TCN2: variants seen among roughly 807,000 people sequenced by gnomAD.
The protein encoded by TCN2 is transcobalamin 2, also known as transcobalamin-2.
In TCN2, 34 loss-of-function variants were observed where a neutral mutation model predicts 48.6. That is an observed-to-expected ratio of 0.70 (90% CI 0.53 to 0.93). The LOEUF (loss-of-function observed/expected upper bound fraction) is 0.93. TCN2 is among the 40% of genes least tolerant of loss of function. The pLI is 0.00. For missense variants in TCN2, 652 were observed against 526.1 expected (o/e 1.24, Z -2.34); for synonymous variants, 283 against 212.5 (o/e 1.33, Z -2.89).
intron 4 of TCN2, 93 bp downstream of exon 4, chr22:30,614,594 C>A: frequency 1.3e-6 from 2 of 1,551,888 alleles, no homozygotes. Flanking sequence ...CCCACACTCA[C>A]CTTTCCTTGG....
chr22:30,617,778 G>T (rs1468462796), intron 7 of TCN2: 4 of 471,062 alleles, frequency 8.5e-6, no homozygotes. Flanking sequence ...ATTCACCGAG[G>T]AGAACAGTTG....
chr22:30,622,687 G>A (rs887618834), intron 7 of TCN2, among the ~76,000 whole-genome samples: 25 of 152,208 alleles, frequency 1.6e-4, no homozygotes, highest in African/African-American at 5.8e-4. Context: ...CCAGAGAGGG[G>A]ACAACTGCTG....
At chr22:30,614,878 C>T (rs1410758717) in intron 4 of TCN2, among the ~76,000 whole-genome samples, 1 of 152,134 alleles carries the variant, frequency 6.6e-6, no homozygotes, top group Non-Finnish European at 1.5e-5. Context: ...CACTGCCCTC[C>T]AGCCTGGGCA....
At chr22:30,616,778 G>C (rs2087618392) in intron 6 of TCN2, among the ~76,000 whole-genome samples, 1 of 152,322 alleles carries the variant, frequency 6.6e-6, no homozygotes, top group South Asian at 2.1e-4. Flanking sequence ...TTCAGCCTGG[G>C]CGACAGTGTG....
chr22:30,626,916 G>T lies in TCN2; in HGVS notation c.*395G>T, dbSNP rs1320523250. 1 of 338,866 alleles carries T rather than the reference G, an allele frequency of 3.0e-6. No individual in the cohort carries two copies. Among genetic ancestry groups the T allele is most frequent in the South Asian group, 2.7e-5 (1 of 36,832 alleles). The allele number at this position is 338,866 out of a possible 1,614,324, so 21.0% of individuals were successfully genotyped here. ...GCAAGAAGGCCTCCTCAGCCCGGGG[G>T]CTATGGCCCTGACCCCAGCTCTCCA... On this transcript the variant is annotated 3_prime_UTR_variant, in exon 9 of 9. Transcript: ENST00000215838.
At chr22:30,613,303 G>C (rs1236208504) in intron 3 of TCN2, among the ~76,000 whole-genome samples, 2 of 152,076 alleles carry the variant, frequency 1.3e-5, no homozygotes, top group Non-Finnish European at 2.9e-5. Flanking sequence ...TTTTGAGTTG[G>C]AGGTTTGCTC....
intron 8 of TCN2, 86 bp downstream of exon 8, chr22:30,623,169 C>A: frequency 7.5e-7 from 1 of 1,338,914 alleles, no homozygotes; most frequent in South Asian, 1.2e-5. Context: ...CCAGCTTTCC[C>A]TAGCACCCTC....
At chr22:30,608,967 C>T (rs1180934337) in intron 1 of TCN2, among the ~76,000 whole-genome samples, 1 of 152,090 alleles carries the variant, frequency 6.6e-6, no homozygotes, top group African/African-American at 2.4e-5. Flanking sequence ...TTGCACCCAG[C>T]CTCATTCCTT....
intron 3 of TCN2, among the ~76,000 whole-genome samples, chr22:30,613,521 C>T (rs536031177): frequency 2.0e-5 from 3 of 152,236 alleles, no homozygotes; most frequent in East Asian, 1.9e-4. Context: ...TCAGGTGATC[C>T]GCTTGCCTTA....
rs1569047214 is a variant in TCN2, at chr22:30,624,043, T to TACACACATATATATGTATACATATAC, written c.1222+967_1222+968insTATATATGTATACATATACACACACA. Among the ~76,000 whole-genome samples the TACACACATATATATGTATACATATAC allele has an allele frequency of 1.4e-4, 4 of 28,636 alleles. 2 individuals are homozygous for TACACACATATATATGTATACATATAC. The highest frequency in any genetic ancestry group is 2.4e-4 in the Non-Finnish European group (4 of 16,688). 18.8% of individuals were successfully genotyped at this position (28,636 alleles called of 152,430 possible). ...ACACACATATATATGTATACATATA[T>TACACACATATATATGTATACATATAC]ACACACACACACACACACATATATA... On this transcript the variant is annotated intron_variant, in intron 8 of 8. Coordinates refer to ENST00000215838, the MANE Select transcript of TCN2 (RefSeq NM_000355.4).
intron 6 of TCN2, among the ~76,000 whole-genome samples, chr22:30,616,885 T>C (rs2087619598): frequency 6.6e-6 from 1 of 151,974 alleles, no homozygotes; most frequent in African/African-American, 2.4e-5. Flanking sequence ...TGGGGGAATT[T>C]TGAGGAATGG....
chr22:30,622,905 C>T, intron 7 of TCN2, 63 bp from the exon 8 acceptor site: 1 of 1,548,854 alleles, frequency 6.5e-7, no homozygotes, highest in Non-Finnish European at 8.9e-7. Context: ...TGGGTGAGCA[C>T]TGCCTCTCCC....
At chr22:30,624,999 C>G (rs540723205) in intron 8 of TCN2, among the ~76,000 whole-genome samples, 1 of 152,254 alleles carries the variant, frequency 6.6e-6, no homozygotes, top group East Asian at 1.9e-4. Flanking sequence ...GGTGGATCAC[C>G]TGAGATCAGT....
In TCN2 at chr22:30,615,623, G is replaced by GT; in HGVS notation, c.777dup (p.Gly260TrpfsTer44). Reference sequence around the variant, plus strand: ...CAGTTCCTCATGACTTCCCCCATGCGTGGGGCAGAACTGGGAACAGCATGT... The same window carrying GT: ...CAGTTCCTCATGACTTCCCCCATGCGTTGGGGCAGAACTGGGAACAGCATGT... On this transcript the variant is annotated frameshift_variant, in exon 6 of 9. Transcript: ENST00000215838. LOFTEE classifies it high-confidence loss of function. The GT allele has an allele frequency of 6.2e-7, 1 of 1,613,778 alleles. No individual in the cohort carries two copies. Among genetic ancestry groups the GT allele is most frequent in the Non-Finnish European group, 8.5e-7 (1 of 1,179,928 alleles).
chr22:30,609,212 G>C (rs1483517785), intron 1 of TCN2, among the ~76,000 whole-genome samples: 2 of 150,820 alleles, frequency 1.3e-5, no homozygotes, highest in African/African-American at 4.9e-5. Flanking sequence ...ATATTGCCCA[G>C]GGTTGGTTTC....
intron 7 of TCN2, among the ~76,000 whole-genome samples, chr22:30,621,524 C>G (rs989245464): frequency 1.5e-4 from 23 of 152,048 alleles, no homozygotes; most frequent in African/African-American, 4.6e-4. Flanking sequence ...GCTCTGTTAC[C>G]CAGGCTGGAG....
At position 30,614,253 on chromosome 22, in the gene TCN2, G is replaced by A. The variant is rs73881489; in HGVS notation, c.428-96G>A. The A allele has an allele frequency of 0.013, 19,094 of 1,505,076 alleles. 2,205 individuals are homozygous for A. In the African/African-American group the frequency reaches 0.24, roughly 19 times the overall value. 93.2% of individuals were successfully genotyped at this position (1,505,076 alleles called of 1,614,324 possible). On this transcript the variant is annotated intron_variant, in intron 3 of 8. Transcript: ENST00000215838. ...ATGAAGGATCCCATGACCCAAAAGA[G>A]CGTGTTGGAAAGTGCAGGCCAGGGT...
At chr22:30,622,889 C>G (rs1205085557) in intron 7 of TCN2, 79 bp from the exon 8 acceptor site, 1 of 1,450,522 alleles carries the variant, frequency 6.9e-7, no homozygotes, top group Non-Finnish European at 9.7e-7. Flanking sequence ...AGGGATTTTG[C>G]TGCTGTGGGT....
chr22:30,617,113 CAG>C (rs1418528135), intron 6 of TCN2, among the ~76,000 whole-genome samples: 2 of 149,758 alleles, frequency 1.3e-5, no homozygotes, highest in African/African-American at 5.0e-5. Context: ...GAATGAGGGA[CAG>C]GGGAGGCCGG....
Sources: gnomAD v4.1 joint callset for allele counts (sites outside exome capture counted in the v4.1 genomes callset) on GRCh38, gnomAD v4.1.1 for gene constraint, MANE v1.5 for transcripts, NCBI Gene and HGNC (gene_info 2026-07-23, HGNC 2026-07-21) for gene names.